The following TCF4 variants were observed in gnomAD, a reference collection of about 807,000 sequenced individuals.
TCF4 encodes the protein transcription factor 4.
TCF4 carries 3 observed loss-of-function variants against 82.1 expected under a neutral mutation model. The observed-to-expected ratio is 0.04, with a 90% CI of 0.02 to 0.09. The LOEUF is 0.09. TCF4 is among the 10% of genes least tolerant of loss of function. TCF4 has a pLI of 1.00. For synonymous variants in TCF4, 276 were observed against 309.6 expected, an observed-to-expected ratio of 0.89 and a Z score of 1.14; for missense variants, 518 against 852.7, an observed-to-expected ratio of 0.61 and a Z score of 4.89.
intron 15 of TCF4, among the ~76,000 whole-genome samples, chr18:55,248,759 G>T (rs1351418325): frequency 1.3e-5 from 2 of 152,084 alleles, no homozygotes; most frequent in East Asian, 1.9e-4. Context: ...TTCCTTTTTT[G>T]TGTGTGTGGC....
intron 17 of TCF4, chr18:55,230,150 A>C (rs1159224803): frequency 7.3e-5 from 4 of 55,056 alleles, no homozygotes; most frequent in East Asian, 1.1e-3. Context: ...GTCTCTTACA[A>C]AAAAAAAAAA....
In TCF4 at chr18:55,228,941, C is replaced by T. The variant is rs1176107453; in HGVS notation, c.1785G>A (p.Val595=). 1.9e-6 allele frequency: 3 copies of T among 1,614,190 alleles called. No individual in the cohort carries two copies. The highest frequency in any genetic ancestry group is 2.5e-6 in the Non-Finnish European group (3 of 1,180,028). ...NEAFKELGRM[V]QLHLKSDKPQ... ...GCTTGTCACTCTTGAGGTGGAGCTGCACCATGCGGCCGAGCTCTTTGAAAG... is the reference window on the plus strand; with the variant it reads ...GCTTGTCACTCTTGAGGTGGAGCTGTACCATGCGGCCGAGCTCTTTGAAAG... The change falls in exon 18 of 20, where the codon GTG becomes GTA. Residue 595 remains valine, a synonymous_variant. Coordinates refer to ENST00000354452, the MANE Select transcript of TCF4 (RefSeq NM_001083962.2).
At chr18:55,306,147 T>C (rs943096841) in intron 8 of TCF4, among the ~76,000 whole-genome samples, 1 of 152,112 alleles carries the variant, frequency 6.6e-6, no homozygotes, top group Non-Finnish European at 1.5e-5. Flanking sequence ...TAATTATTTG[T>C]TCTACATAGA....
chr18:55,351,239 AT>A (rs776635270), intron 6 of TCF4: 6 of 486,542 alleles, frequency 1.2e-5, no homozygotes, highest in African/African-American at 2.0e-5. Context: ...TTTAAACAAT[AT>A]TTTTTTAAGT....
At chr18:55,593,549 C>T (rs910784868), upstream of TCF4, among the ~76,000 whole-genome samples, 2 of 152,132 alleles carry the variant, frequency 1.3e-5, no homozygotes, top group African/African-American at 2.4e-5. Context: ...AATGTCAGGG[C>T]TCAAGTGGGA....
chr18:55,270,049 T>C (rs2060010811), intron 10 of TCF4, 86 bp from the exon 11 acceptor site: 4 of 1,518,306 alleles, frequency 2.6e-6, no homozygotes, highest in Admixed American at 3.4e-5. Flanking sequence ...CACAACTCTC[T>C]ATTTTACAAT....
intron 6 of TCF4, among the ~76,000 whole-genome samples, chr18:55,375,429 G>A (rs1404563821): frequency 6.6e-6 from 1 of 151,974 alleles, no homozygotes; most frequent in East Asian, 1.9e-4. Context: ...GATGCCTACA[G>A]AAAACTTATT....
upstream of TCF4, chr18:55,588,308 A>C (rs2097672666): frequency 1.4e-6 from 2 of 1,450,562 alleles, no homozygotes; most frequent in African/African-American, 2.9e-5. Flanking sequence ...TTGCAAGTTC[A>C]GCAAAGAAAT....
At chr18:55,500,091 A>G (rs2096680854) in intron 3 of TCF4, among the ~76,000 whole-genome samples, 1 of 152,126 alleles carries the variant, frequency 6.6e-6, no homozygotes, top group African/African-American at 2.4e-5. Context: ...CTGAGGCAGG[A>G]GAATTGCTTG....
rs868589051 is a variant in TCF4, at chr18:55,478,873, G to T, written c.146-14736C>A. Among the ~76,000 whole-genome samples, 4 of 135,068 alleles carry T rather than the reference G, an allele frequency of 3.0e-5. No homozygotes were observed. The South Asian group carries it at 6.9e-4, about 23-fold the overall frequency. 88.6% of individuals were successfully genotyped at this position (135,068 alleles called of 152,430 possible). A position where few individuals can be genotyped will look rare whatever the true frequency, so the allele number is the denominator to read the frequency against. On this transcript the variant is annotated intron_variant, in intron 3 of 19. Coordinates refer to ENST00000354452, the MANE Select transcript of TCF4 (RefSeq NM_001083962.2). ...ATTAAAAATGTTCAAACTTTAAGGTGAAAATTATAAATGTTAAATATTATA... is the reference window on the plus strand; with the variant it reads ...ATTAAAAATGTTCAAACTTTAAGGTTAAAATTATAAATGTTAAATATTATA...
intron 15 of TCF4, among the ~76,000 whole-genome samples, chr18:55,235,208 C>T (rs1027727970): frequency 6.6e-6 from 1 of 152,052 alleles, no homozygotes; most frequent in African/African-American, 2.4e-5. Context: ...GACACAGCCT[C>T]TGCTTGGTAC....
intron 17 of TCF4, 80 bp downstream of exon 17, chr18:55,232,429 A>C (rs1047450612): frequency 1.3e-6 from 2 of 1,533,386 alleles, no homozygotes; most frequent in African/African-American, 2.7e-5. Flanking sequence ...GAAAAAACTG[A>C]ATAGTTTCTT....
At chr18:55,413,701 G>C (rs556896534) in intron 5 of TCF4, among the ~76,000 whole-genome samples, 26 of 152,184 alleles carry the variant, frequency 1.7e-4, no homozygotes, top group African/African-American at 6.0e-4. Flanking sequence ...AGAGGCAGAG[G>C]GAAGGATGAG....
intron 3 of TCF4, among the ~76,000 whole-genome samples, chr18:55,481,355 C>G (rs530161700): frequency 6.6e-6 from 1 of 152,256 alleles, no homozygotes; most frequent in African/African-American, 2.4e-5. Context: ...ACCACCACAT[C>G]AATGAAAACA....
At chr18:55,390,286 TAA>T (rs56965997) in intron 6 of TCF4, among the ~76,000 whole-genome samples, 642 of 82,210 alleles carry the variant, frequency 7.8e-3, no homozygotes, top group Middle Eastern at 0.015. Flanking sequence ...CCCTGACTCT[TAA>T]AAAAAAAAAA....
At chr18:55,367,972 A>G (rs1411879184) in intron 6 of TCF4, among the ~76,000 whole-genome samples, 1 of 152,250 alleles carries the variant, frequency 6.6e-6, no homozygotes, top group Admixed American at 6.5e-5. Context: ...TGTATTAGGG[A>G]GATCTGGTGG....
intron 1 of TCF4, 107 bp downstream of exon 1, chr18:55,587,931 G>A (rs896822840): frequency 2.5e-6 from 2 of 799,698 alleles, no homozygotes; most frequent in Non-Finnish European, 3.0e-6. Flanking sequence ...CGGGCGCCGG[G>A]AGCCCGCGGC....
chr18:55,461,794 A>G (rs1328574753), intron 4 of TCF4, among the ~76,000 whole-genome samples: 1 of 152,204 alleles, frequency 6.6e-6, no homozygotes, highest in Non-Finnish European at 1.5e-5. Context: ...TTTGACAGAA[A>G]TATTTCATTA....
intron 2 of TCF4, among the ~76,000 whole-genome samples, chr18:55,621,833 TAC>T (rs1342925994): frequency 1.6e-5 from 1 of 61,926 alleles, no homozygotes; most frequent in African/African-American, 4.7e-5. Context: ...ATAATATATA[TAC>T]ACTATATACA....
Sources: allele counts gnomAD v4.1 joint callset (sites outside exome capture counted in the v4.1 genomes callset), GRCh38; gene constraint gnomAD v4.1.1; transcripts MANE v1.5; gene names NCBI Gene and HGNC (gene_info 2026-07-23, HGNC 2026-07-21).